Variants in ARFGAP2 observed in about 807,000 individuals in gnomAD.
ARFGAP2 encodes the protein ADP-ribosylation factor GTPase-activating protein 2.
In ARFGAP2, 45 loss-of-function variants were observed where a neutral mutation model predicts 71.9. The ratio of observed to expected loss-of-function variants is 0.63; its 90% CI spans 0.49 to 0.80. The LOEUF is 0.80. Among genes scored for constraint, ARFGAP2 ranks in the 30% least tolerant of loss-of-function variants. ARFGAP2 has a pLI of 0.00. For synonymous variants in ARFGAP2, 248 were observed against 249.2 expected (o/e 1.00, Z 0.05); for missense variants, 633 against 673.9 (o/e 0.94, Z 0.67).
At position 47,168,256 on chromosome 11, in the gene ARFGAP2, G is replaced by A. The variant is rs372979011; in HGVS notation, c.942-5C>T. ...AGCACGGAGTGGGAGACAGAGCTGC[G>A]CAGCAAAGCAGAGCCAGGCATGAGA... On this transcript the variant is annotated splice_region_variant and splice_polypyrimidine_tract_variant and intron_variant, in intron 10 of 15. Coordinates refer to ENST00000524782, the MANE Select transcript of ARFGAP2 (RefSeq NM_032389.6). 4.6e-5 allele frequency: 75 copies of A among 1,613,848 alleles called. No individual in the cohort carries two copies. Among genetic ancestry groups the A allele is most frequent in the African/African-American group, 1.6e-4 (12 of 74,906 alleles).
At position 47,166,876 on chromosome 11, in the gene ARFGAP2, G is replaced by C. The variant is rs35950498; in HGVS notation, c.1216C>G (p.Arg406Gly). The C allele has an allele frequency of 3.3e-4, 528 of 1,613,440 alleles. No individual in the cohort carries two copies. Among genetic ancestry groups the C allele is most frequent in the Non-Finnish European group, 4.1e-4 (483 of 1,179,952 alleles). ...IRPISERATN[R>G]REVESRSSGL... ...GAGCTCCGGCTCTCCACTTCCCTCC[G>C]GTTTGTGGCTCTGAGGGGAAGATGT... Residue 406 changes from arginine (R) to glycine (G), a missense_variant, in exon 13 of 16, where the codon CGG (arginine) becomes GGG (glycine). By Grantham distance (125) the Arg-to-Gly change is moderately radical. Transcript: ENST00000524782.
At chr11:47,175,419 C>CAGGA in intron 3 of ARFGAP2, 106 bp from the exon 4 acceptor site, 6 of 1,519,154 alleles carry the variant, frequency 3.9e-6, no homozygotes, top group Non-Finnish European at 5.5e-6. Context: ...ATTATCTATA[C>CAGGA]AGGATGATAC....
At chr11:47,172,152 G>T in intron 8 of ARFGAP2, 129 bp downstream of exon 8, 1 of 946,650 alleles carries the variant, frequency 1.1e-6, no homozygotes, top group Non-Finnish European at 1.6e-6. Context: ...CCTTTCACAG[G>T]CGAGGTTCGG....
chr11:47,173,735 G>A (rs1952683934), intron 6 of ARFGAP2, 24 bp downstream of exon 6: 1 of 1,580,108 alleles, frequency 6.3e-7, no homozygotes, highest in Non-Finnish European at 8.6e-7. Context: ...CAGGGCACCT[G>A]GTTGGAATCT....
chr11:47,170,229 C>T (rs529722838), intron 10 of ARFGAP2, among the ~76,000 whole-genome samples: 1 of 145,360 alleles, frequency 6.9e-6, no homozygotes, highest in Non-Finnish European at 1.5e-5. Context: ...GAGGCTGAGG[C>T]AGGAGAATTG....
At position 47,171,430 on chromosome 11, in the gene ARFGAP2, G is replaced by C; in HGVS notation, c.937C>G (p.Arg313Gly). The part of the protein sequence containing the change: ...AERLGMGLVS[R>G]SSVSHSVLSE... The stretch of plus-strand genomic sequence containing the variant: ...ACACCCGGAGCTGAGCCTCACCTTC[G>C]GGATACCAAGCCCATGCCCAACCTT... The change falls in exon 10 of 16, where the codon CGA becomes GGA. Residue 313 changes from arginine (R) to glycine (G), a missense_variant. Transcript: ENST00000524782. 5.0e-6 allele frequency: 8 copies of C among 1,614,088 alleles called. No homozygotes were observed. Among genetic ancestry groups the C allele is most frequent in the Non-Finnish European group, 6.8e-6 (8 of 1,179,988 alleles).
At chr11:47,175,369 G>T (rs796306888) in intron 3 of ARFGAP2, 56 bp from the exon 4 acceptor site, 3 of 1,612,422 alleles carry the variant, frequency 1.9e-6, no homozygotes, top group Non-Finnish European at 2.5e-6. Context: ...AGAAGGAAAC[G>T]TGTTGGCTGT....
intron 10 of ARFGAP2, 94 bp from the exon 11 acceptor site, chr11:47,168,345 C>T (rs936782796): frequency 6.5e-6 from 10 of 1,541,570 alleles, no homozygotes; most frequent in South Asian, 3.6e-5. Context: ...TTCTCCTTCA[C>T]GGAGCGTCAC....
chr11:47,168,475 C>T (rs1207437608), intron 10 of ARFGAP2: 1 of 497,514 alleles, frequency 2.0e-6, no homozygotes, highest in Non-Finnish European at 3.5e-6. Flanking sequence ...TTTGTTTATT[C>T]CACGTAGGAG....
Position 47,176,293 on chromosome 11 carries a change from C to T in ARFGAP2, c.191+223G>A, listed in dbSNP as rs1006139610. Reference sequence around the variant, plus strand: ...TAACGCTCAGAGTCTCAAGCCTGACCGTCAAAAAAGAGGAAGTTTTGGCCC... The same window carrying T: ...TAACGCTCAGAGTCTCAAGCCTGACTGTCAAAAAAGAGGAAGTTTTGGCCC... On this transcript the variant is annotated intron_variant, in intron 2 of 15. Coordinates refer to ENST00000524782, the MANE Select transcript of ARFGAP2 (RefSeq NM_032389.6). 3 of 598,110 alleles carry T rather than the reference C, an allele frequency of 5.0e-6. No homozygotes were observed. In the African/African-American group the frequency reaches 5.6e-5, roughly 11 times the overall value. 37.1% of individuals were successfully genotyped at this position (598,110 alleles called of 1,614,324 possible).
At chr11:47,169,931 AT>A (rs1256929472) in intron 10 of ARFGAP2, among the ~76,000 whole-genome samples, 6 of 151,944 alleles carry the variant, frequency 3.9e-5, no homozygotes, top group African/African-American at 1.4e-4. Flanking sequence ...CCAGTCATCT[AT>A]TAACCCAGTC....
Position 47,176,813 on chromosome 11 carries a change from A to C in ARFGAP2, c.41T>G (p.Phe14Cys), listed in dbSNP as rs1247503525. The change falls in exon 1 of 16, where the codon TTT becomes TGT. Residue 14 changes from phenylalanine to cysteine, a missense_variant. Coordinates refer to ENST00000524782, the MANE Select transcript of ARFGAP2 (RefSeq NM_032389.6). ...EPNKTEIQTLFKRLRAVPTNK... is the reference protein window; with the variant it reads ...EPNKTEIQTLCKRLRAVPTNK... ...GGTTGGAACTGCGCGAAGCCTCTTA[A>C]AAAGAGTCTGGATTTCGGTCTTGTT... 1 of 1,613,934 alleles carries C rather than the reference A, an allele frequency of 6.2e-7. No individual in the cohort carries two copies. The highest frequency in any genetic ancestry group is 1.3e-5 in the African/African-American group (1 of 74,936).
At chr11:47,168,362 C>T in intron 10 of ARFGAP2, 111 bp from the exon 11 acceptor site, 1 of 1,449,402 alleles carries the variant, frequency 6.9e-7, no homozygotes, top group Non-Finnish European at 9.3e-7. Flanking sequence ...TCACCCAGAG[C>T]CTTCTGTCCT....
chr11:47,170,630 G>C lies in ARFGAP2; in HGVS notation c.941+796C>G, dbSNP rs151056142. Among the ~76,000 whole-genome samples, 149 of 152,324 alleles carry C rather than the reference G, an allele frequency of 9.8e-4. No homozygotes were observed. In the East Asian group the frequency reaches 0.02, roughly 21 times the overall value. On this transcript the variant is annotated intron_variant, in intron 10 of 15. Coordinates refer to ENST00000524782, the MANE Select transcript of ARFGAP2 (RefSeq NM_032389.6). ...CCATTGCACTCCAGCCTGGGTGACAGAGTGAGACTTTGTCTCAAAAAATAA... is the reference window on the plus strand; with the variant it reads ...CCATTGCACTCCAGCCTGGGTGACACAGTGAGACTTTGTCTCAAAAAATAA...
intron 3 of ARFGAP2, 152 bp downstream of exon 3, chr11:47,175,699 C>A: frequency 1.2e-6 from 1 of 836,270 alleles, no homozygotes; most frequent in Admixed American, 2.4e-5. Context: ...GAAGCTGTGA[C>A]CAGTTTCGAA....
intron 15 of ARFGAP2, 147 bp from the exon 16 acceptor site, chr11:47,165,649 G>A: frequency 5.9e-6 from 5 of 853,654 alleles, no homozygotes; most frequent in Non-Finnish European, 8.5e-6. Context: ...GGAGTCCACG[G>A]TGAGAGCTGG....
At chr11:47,172,186 G>C in intron 8 of ARFGAP2, 95 bp downstream of exon 8, 3 of 1,267,390 alleles carry the variant, frequency 2.4e-6, no homozygotes, top group South Asian at 1.3e-5. Context: ...CTTTGCCAAA[G>C]TCATATAGCT....
intron 8 of ARFGAP2, 110 bp from the exon 9 acceptor site, chr11:47,171,910 A>T: frequency 6.8e-7 from 1 of 1,480,382 alleles, no homozygotes; most frequent in Non-Finnish European, 9.0e-7. Flanking sequence ...CTTAAAATTT[A>T]GGGTAAAAAA....
chr11:47,167,877 AG>A (rs768108732), intron 12 of ARFGAP2, 31 bp downstream of exon 12: 139 of 1,522,950 alleles, frequency 9.1e-5, no homozygotes, highest in Non-Finnish European at 2.6e-5. Context: ...AAAAAAAAAA[AG>A]AAAGAAAAAA....
Sources: gnomAD v4.1 joint callset for allele counts (sites outside exome capture counted in the v4.1 genomes callset) on GRCh38, gnomAD v4.1.1 for gene constraint, MANE v1.5 for transcripts, NCBI Gene and HGNC (gene_info 2026-07-23, HGNC 2026-07-21) for gene names.